The following ALS2 variants were observed in gnomAD, a reference collection of about 807,000 sequenced individuals.
ALS2 encodes the protein alsin Rho guanine nucleotide exchange factor ALS2, also known as alsin.
A neutral mutation model predicts 203.4 loss-of-function variants in ALS2; 117 were observed. That is an observed-to-expected ratio of 0.58 (90% CI 0.50 to 0.67). The LOEUF is 0.67. ALS2 is among the 30% of genes least tolerant of loss of function. ALS2 has a pLI of 0.00. For synonymous variants in ALS2, 718 were observed against 725.9 expected, an observed-to-expected ratio of 0.99 and a Z score of 0.17; for missense variants, 1,715 against 1,989.4, an observed-to-expected ratio of 0.86 and a Z score of 2.62.
chr2:201,767,147 A>C, intron 3 of ALS2, 82 bp downstream of exon 3: 1 of 1,549,952 alleles, frequency 6.5e-7, no homozygotes, highest in Non-Finnish European at 8.9e-7. Context: ...CCTAGTATCC[A>C]ATGACTCCCA....
In ALS2 at chr2:201,711,124, G is replaced by T; in HGVS notation, c.4005-16C>A. On this transcript the variant is annotated splice_polypyrimidine_tract_variant and intron_variant, in intron 25 of 33. Coordinates refer to ENST00000264276, the MANE Select transcript of ALS2 (RefSeq NM_020919.4). ...TATTTCTGGACTATAAAAAGGGAAAGAAAAGTCTGTTGTATTTCACATCAA... is the reference window on the plus strand; with the variant it reads ...TATTTCTGGACTATAAAAAGGGAAATAAAAGTCTGTTGTATTTCACATCAA... The T allele has an allele frequency of 6.8e-7, 1 of 1,469,838 alleles. No individual in the cohort carries two copies. The allele number at this position is 1,469,838 out of a possible 1,614,324, so 91.0% of individuals were successfully genotyped here.
intron 7 of ALS2, among the ~76,000 whole-genome samples, chr2:201,750,910 A>G (rs1397869162): frequency 3.3e-5 from 5 of 150,984 alleles, no homozygotes; most frequent in Non-Finnish European, 7.4e-5. Context: ...CTGGAGCACA[A>G]TGGCGCAATC....
intron 11 of ALS2, among the ~76,000 whole-genome samples, chr2:201,739,255 AAAAG>A (rs1452668288): frequency 3.3e-5 from 5 of 151,450 alleles, no homozygotes; most frequent in African/African-American, 1.2e-4. Context: ...AAAAAAAAAA[AAAAG>A]ATGGTAATAT....
chr2:201,759,390 A>C, intron 4 of ALS2: 1 of 955,404 alleles, frequency 1.0e-6, no homozygotes, highest in Non-Finnish European at 1.2e-6. Context: ...ATTCCTTGTG[A>C]ATTAGCTGTA....
rs1691343156 is a variant in ALS2, at chr2:201,728,567, C to G, written c.2786G>C (p.Gly929Ala). Residue 929 changes from glycine to alanine, a missense_variant, in exon 15 of 34, where the codon GGG (glycine) becomes GCG (alanine). Transcript: ENST00000264276. ...SNRALSLQHA[G>A]RFSVNWFILF... The stretch of plus-strand genomic sequence containing the variant: ...AATGAACCAATTCACGGAAAACCTC[C>G]CAGCATGCTGCAGAGACAGGGCTCG... The G allele has an allele frequency of 6.2e-7, 1 of 1,613,994 alleles. No homozygotes were observed. The highest frequency in any genetic ancestry group is 1.7e-5 in the Admixed American group (1 of 60,000).
At chr2:201,769,899 T>A (rs1694295414) in intron 1 of ALS2, among the ~76,000 whole-genome samples, 1 of 152,216 alleles carries the variant, frequency 6.6e-6, no homozygotes, top group Non-Finnish European at 1.5e-5. Flanking sequence ...GCCTGTGAAT[T>A]CTTACCATTT....
intron 8 of ALS2, among the ~76,000 whole-genome samples, chr2:201,748,263 T>C (rs1692800339): frequency 6.6e-6 from 1 of 152,128 alleles, no homozygotes; most frequent in South Asian, 2.1e-4. Context: ...TGGCATGACA[T>C]TATGTTCTCA....
intron 8 of ALS2, among the ~76,000 whole-genome samples, chr2:201,747,832 T>C (rs1192461952): frequency 6.6e-6 from 1 of 152,126 alleles, no homozygotes. Flanking sequence ...ACCAATAATT[T>C]TCAAACCTCG....
At chr2:201,725,668 T>C (rs954589684) in intron 19 of ALS2, among the ~76,000 whole-genome samples, 16 of 152,208 alleles carry the variant, frequency 1.1e-4, no homozygotes, top group Admixed American at 2.0e-4. Flanking sequence ...CACTAAGATA[T>C]GGTGTTTTAA....
At chr2:201,712,179 T>G (rs2105975366) in intron 25 of ALS2, among the ~76,000 whole-genome samples, 1 of 152,362 alleles carries the variant, frequency 6.6e-6, no homozygotes, top group East Asian at 1.9e-4. Context: ...TAAGTATCAA[T>G]TTTGGAGATA....
At chr2:201,707,123 T>C in intron 28 of ALS2, 101 bp from the exon 29 acceptor site, 1 of 1,101,792 alleles carries the variant, frequency 9.1e-7, no homozygotes, top group Non-Finnish European at 1.3e-6. Context: ...AAAGTAGAGA[T>C]GGGAAGTTTT....
intron 10 of ALS2, among the ~76,000 whole-genome samples, chr2:201,742,794 G>A (rs143092873): frequency 0.012 from 1,878 of 152,256 alleles, 34 homozygotes; most frequent in African/African-American, 0.04. Flanking sequence ...TGGGCAGGCC[G>A]GGCACGGTGG....
At chr2:201,703,972 T>C (rs962150320) in intron 33 of ALS2, 150 bp downstream of exon 33, 16 of 672,796 alleles carry the variant, frequency 2.4e-5, no homozygotes, top group Non-Finnish European at 3.6e-5. Context: ...TACTATATAA[T>C]GTTTTAAAGT....
intron 10 of ALS2, among the ~76,000 whole-genome samples, chr2:201,743,365 C>T (rs1357628239): frequency 6.6e-6 from 1 of 152,198 alleles, no homozygotes; most frequent in African/African-American, 2.4e-5. Context: ...TGGACAGTGG[C>T]ATCCCATCTA....
intron 6 of ALS2, 70 bp from the exon 7 acceptor site, chr2:201,753,312 ATAAAG>A (rs1477140735): frequency 8.0e-7 from 1 of 1,246,984 alleles, no homozygotes; most frequent in African/African-American, 1.5e-5. Context: ...TTCTCAAATT[ATAAAG>A]TGCTGTCGTG....
intron 31 of ALS2, 124 bp downstream of exon 31, chr2:201,705,015 G>A (rs1689616024): frequency 2.1e-6 from 2 of 945,402 alleles, no homozygotes; most frequent in South Asian, 1.4e-5. Flanking sequence ...GATTGAGTTT[G>A]ACACCATCAG....
intron 4 of ALS2, chr2:201,760,372 C>T (rs1693685108): frequency 1.0e-6 from 1 of 986,566 alleles, no homozygotes; most frequent in African/African-American, 1.7e-5. Context: ...CCAGTAAGGA[C>T]CACAGCTATA....
chr2:201,743,275 G>C (rs879541709), intron 10 of ALS2, among the ~76,000 whole-genome samples: 9 of 151,940 alleles, frequency 5.9e-5, no homozygotes, highest in Non-Finnish European at 1.0e-4. Context: ...AATAGGAAAA[G>C]TTTATCTGCA....
chr2:201,718,251 TATATTCA>T (rs1690535263), intron 23 of ALS2, 41 bp from the exon 24 acceptor site: 1 of 1,583,890 alleles, frequency 6.3e-7, no homozygotes, highest in African/African-American at 1.3e-5. Flanking sequence ...TTAGAGGAAA[TATATTCA>T]ATATTCATTT....
Sources: allele counts gnomAD v4.1 joint callset (sites outside exome capture counted in the v4.1 genomes callset), GRCh38; gene constraint gnomAD v4.1.1; transcripts MANE v1.5; gene names NCBI Gene and HGNC (gene_info 2026-07-23, HGNC 2026-07-21).